CCDC7: variants seen among roughly 807,000 people sequenced by gnomAD.
CCDC7 encodes coiled-coil domain-containing protein 7.
In CCDC7, 183 loss-of-function variants were observed where a neutral mutation model predicts 196.9. The observed-to-expected ratio is 0.93, with a 90% CI of 0.82 to 1.05. CCDC7 has a LOEUF of 1.05. CCDC7 is among the 50% of genes least tolerant of loss of function. CCDC7 has a pLI of 0.00. For synonymous variants in CCDC7, 525 were observed against 484.6 expected (o/e 1.08, Z -1.10); for missense variants, 1,540 against 1,482.2 (o/e 1.04, Z -0.64).
At chr10:32,764,188 G>A (rs1376804400) in intron 28 of CCDC7, among the ~76,000 whole-genome samples, 1 of 151,482 alleles carries the variant, frequency 6.6e-6, no homozygotes, top group Non-Finnish European at 1.5e-5. Flanking sequence ...AAACACTTCT[G>A]ATTCTCCCCA....
intron 14 of CCDC7, 26 bp downstream of exon 15, chr10:32,565,646 A>G (rs780775791): frequency 3.1e-6 from 5 of 1,593,868 alleles, no homozygotes; most frequent in Non-Finnish European, 4.3e-6. Flanking sequence ...TTTCTTTAAC[A>G]TTGTTAACAA....
chr10:32,447,320 T>G (rs1021887903), upstream of CCDC7, among the ~76,000 whole-genome samples: 1 of 152,174 alleles, frequency 6.6e-6, no homozygotes, highest in Non-Finnish European at 1.5e-5. Flanking sequence ...CGGTCCTTGG[T>G]GATATTTTCT....
intron 11 of CCDC7, among the ~76,000 whole-genome samples, chr10:32,521,169 T>TTC (rs770411587): frequency 8.5e-4 from 130 of 152,274 alleles, no homozygotes; most frequent in Non-Finnish European, 1.5e-3. Flanking sequence ...TCAGTTTTAT[T>TTC]TCTTTTGCTC....
At chr10:32,656,720 G>A (rs10827093) in intron 20 of CCDC7, among the ~76,000 whole-genome samples, 29,063 of 151,944 alleles carry the variant, frequency 0.19, 2,864 homozygotes, top group East Asian at 0.25. Context: ...CATTCCACCC[G>A]GCCCCTCCCA....
chr10:32,703,208 T>A (rs1412486513), intron 24 of CCDC7, among the ~76,000 whole-genome samples: 1 of 152,118 alleles, frequency 6.6e-6, no homozygotes, highest in Non-Finnish European at 1.5e-5. Context: ...AGGGCAGGCC[T>A]GGTGGTGACA....
chr10:32,613,596 G>T (rs1319909415), intron 18 of CCDC7, among the ~76,000 whole-genome samples: 1 of 152,176 alleles, frequency 6.6e-6, no homozygotes. Flanking sequence ...GTGTCCCAGA[G>T]ATTCTGGTAT....
intron 28 of CCDC7, among the ~76,000 whole-genome samples, chr10:32,763,147 A>G (rs2133901537): frequency 6.6e-6 from 1 of 152,116 alleles, no homozygotes; most frequent in Non-Finnish European, 1.5e-5. Flanking sequence ...TATGTAAGGA[A>G]CTCACAAACT....
At chr10:32,702,634 A>G (rs952283562) in intron 24 of CCDC7, among the ~76,000 whole-genome samples, 62 of 152,070 alleles carry the variant, frequency 4.1e-4, no homozygotes, top group African/African-American at 1.4e-3. Context: ...AAAGTCTCCC[A>G]TTATTATTGT....
intron 33 of CCDC7, among the ~76,000 whole-genome samples, chr10:32,839,005 C>A (rs909799884): frequency 6.6e-6 from 1 of 151,744 alleles, no homozygotes; most frequent in East Asian, 1.9e-4. Context: ...TGAAACAAAC[C>A]CTCAAAATAC....
chr10:32,762,556 C>T (rs2077620528), intron 28 of CCDC7, among the ~76,000 whole-genome samples: 1 of 151,446 alleles, frequency 6.6e-6, no homozygotes, highest in African/African-American at 2.4e-5. Context: ...AACAAAGTTG[C>T]AGGCATCACA....
chr10:32,458,482 C>CAT (rs2034879591), intron 3 of CCDC7, among the ~76,000 whole-genome samples: 3 of 132,824 alleles, frequency 2.3e-5, no homozygotes, highest in Admixed American at 1.5e-4. Context: ...TGTGTGTGTG[C>CAT]TTTTTTTTTT....
intron 11 of CCDC7, among the ~76,000 whole-genome samples, chr10:32,522,960 G>A (rs529944898): frequency 4.6e-5 from 7 of 152,120 alleles, no homozygotes; most frequent in Admixed American, 4.6e-4. Context: ...CCATGTGTTT[G>A]CATAGTTTCC....
chr10:32,628,582 G>A (rs1454841829), intron 18 of CCDC7, among the ~76,000 whole-genome samples: 3 of 151,516 alleles, frequency 2.0e-5, no homozygotes, highest in Non-Finnish European at 2.9e-5. Flanking sequence ...GTTCCCTGAC[G>A]AATAATGTTA....
intron 25 of CCDC7, among the ~76,000 whole-genome samples, chr10:32,719,677 A>G (rs535520172): frequency 6.6e-5 from 10 of 152,356 alleles, no homozygotes; most frequent in African/African-American, 2.2e-4. Flanking sequence ...TTTACAAGAA[A>G]AAAACAAACA....
chr10:32,586,855 A>G (rs1356724938), intron 18 of CCDC7, among the ~76,000 whole-genome samples: 1 of 152,026 alleles, frequency 6.6e-6, no homozygotes, highest in Non-Finnish European at 1.5e-5. Context: ...CATTGACCTA[A>G]ACTTTTAAGA....
chr10:32,747,470 A>G (rs1160934075), intron 28 of CCDC7, among the ~76,000 whole-genome samples: 1 of 152,200 alleles, frequency 6.6e-6, no homozygotes, highest in Non-Finnish European at 1.5e-5. Flanking sequence ...CTATGCATCC[A>G]ACAAAGGTCT....
chr10:32,490,071 A>G lies in CCDC7; in HGVS notation c.797-1851A>G, dbSNP rs553454496. 7.9e-5 allele frequency among the ~76,000 whole-genome samples: 12 copies of G among 152,268 alleles called. No homozygotes were observed. The South Asian group carries it at 1.5e-3, about 18-fold the overall frequency. ...TAGGAACCATGGTGGGACATGTTGC[A>G]TGGCTCATAGTGATAGTTCCTGCAC... On this transcript the variant is annotated intron_variant, in intron 8 of 41. Transcript: ENST00000639629.
At chr10:32,696,864 G>A (rs1044510150) in intron 24 of CCDC7, among the ~76,000 whole-genome samples, 2 of 152,042 alleles carry the variant, frequency 1.3e-5, no homozygotes, top group Non-Finnish European at 1.5e-5. Context: ...ACATGTACAG[G>A]CCATTGCTTA....
intron 16 of CCDC7, among the ~76,000 whole-genome samples, chr10:32,574,095 T>G (rs1335740049): frequency 2.0e-5 from 3 of 151,986 alleles, no homozygotes; most frequent in Non-Finnish European, 2.9e-5. Flanking sequence ...CAGGGAAATG[T>G]GAGGAAAGGG....
Sources: allele counts gnomAD v4.1 joint callset (sites outside exome capture counted in the v4.1 genomes callset), GRCh38; gene constraint gnomAD v4.1.1; transcripts MANE v1.5; gene names NCBI Gene and HGNC (gene_info 2026-07-23, HGNC 2026-07-21).